The following ZXDC variants were observed in gnomAD, a reference collection of about 807,000 sequenced individuals.
The protein encoded by ZXDC is ZXD family zinc finger C.
In ZXDC, 58 loss-of-function variants were observed where a neutral mutation model predicts 63.6. The ratio of observed to expected loss-of-function variants is 0.91; its 90% confidence interval spans 0.74 to 1.13. ZXDC has a LOEUF of 1.13. Among genes scored for constraint, ZXDC ranks in the 50% most tolerant of loss-of-function variants. The pLI, the probability that ZXDC is intolerant of heterozygous loss-of-function variation, is 0.00. For synonymous variants in ZXDC, 561 were observed against 496.1 expected (o/e 1.13, Z -1.74); for missense variants, 1,133 against 1,148.9 (o/e 0.99, Z 0.20).
intron 7 of ZXDC, among the ~76,000 whole-genome samples, chr3:126,456,980 T>C (rs1420848879): frequency 6.6e-6 from 1 of 152,088 alleles, no homozygotes; most frequent in Admixed American, 6.5e-5. Context: ...CCGGGTCTCA[T>C]CTCCAGAAGA....
At position 126,439,690 on chromosome 3, in the gene ZXDC, C is replaced by T. The variant is rs536871195; in HGVS notation, c.2432G>A (p.Arg811His). ...GAAGGGGAGGAAGGTGGCTGGGCCG[C>T]GGGCCGAGGGCAGGACACCTTCGCC... ...PSGEGVLPSARGPATFLPFLT... is the reference protein window; with the variant it reads ...PSGEGVLPSAHGPATFLPFLT... The change falls in exon 9 of 10, where the codon CGC becomes CAC. Residue 811 changes from arginine (R) to histidine (H), a missense_variant. Transcript: ENST00000389709. 42 of 1,552,764 alleles carry T rather than the reference C, an allele frequency of 2.7e-5. 1 individual carries two copies. The South Asian group carries it at 3.3e-4, about 12-fold the overall frequency.
chr3:126,459,620 T>C, intron 7 of ZXDC, 33 bp downstream of exon 7: 1 of 1,613,904 alleles, frequency 6.2e-7, no homozygotes, highest in Non-Finnish European at 8.5e-7. Context: ...CCTCAGGCCC[T>C]TGCTCGTCCG....
chr3:126,465,221 C>A (rs532392835), intron 5 of ZXDC, among the ~76,000 whole-genome samples: 1 of 152,240 alleles, frequency 6.6e-6, no homozygotes, highest in African/African-American at 2.4e-5. Context: ...CGGTGAGGAG[C>A]GACAACCGCA....
intron 7 of ZXDC, among the ~76,000 whole-genome samples, chr3:126,449,373 T>C (rs1934007172): frequency 1.3e-5 from 2 of 152,254 alleles, no homozygotes; most frequent in South Asian, 4.1e-4. Flanking sequence ...TCTGAATCTT[T>C]TAGTCAGCCC....
At position 126,454,514 on chromosome 3, in the gene ZXDC, C is replaced by T. The variant is rs1165422539; in HGVS notation, c.2212+5139G>A. ...TTATTTTACCCTGTCTTAATCTTAA[C>T]CTTCCCAAATATTTCCATACAGGGT... is the stretch of plus-strand genomic sequence containing the variant. On this transcript the variant is annotated intron_variant, in intron 7 of 9. Transcript: ENST00000389709. The T allele has an allele frequency of 6.1e-6, 6 of 985,282 alleles. No homozygotes were observed. In the South Asian group the frequency reaches 2.8e-4, roughly 46 times the overall value. 61.0% of individuals were successfully genotyped at this position (985,282 alleles called of 1,614,324 possible). A position where few individuals can be genotyped will look rare whatever the true frequency, so the allele number is the denominator to read the frequency against.
intron 7 of ZXDC, chr3:126,459,381 G>A (rs938886517): frequency 1.0e-6 from 1 of 985,394 alleles, no homozygotes; most frequent in Non-Finnish European, 1.2e-6. Context: ...ATTTACCTTA[G>A]TAGCCTTCCA....
Position 126,438,476 on chromosome 3 carries a change from A to G in ZXDC, c.2491-15T>C. ...GGGAGCACCTCCTGCAAAACCAAGC[A>G]TTGTCATGAAGAGGGAGGAGGGAGG... is the stretch of plus-strand genomic sequence containing the variant. On this transcript the variant is annotated splice_polypyrimidine_tract_variant and intron_variant, in intron 9 of 9. Coordinates refer to ENST00000389709, the MANE Select transcript of ZXDC (RefSeq NM_025112.5). 6.2e-7 allele frequency: 1 copy of G among 1,611,878 alleles called. No individual in the cohort carries two copies. The highest frequency in any genetic ancestry group is 8.5e-7 in the Non-Finnish European group (1 of 1,178,686).
At chr3:126,472,931 T>G (rs2107660693) in intron 1 of ZXDC, among the ~76,000 whole-genome samples, 1 of 152,282 alleles carries the variant, frequency 6.6e-6, no homozygotes, top group African/African-American at 2.4e-5. Context: ...ATACTTCTCC[T>G]CCGACAGAAA....
Position 126,460,892 on chromosome 3 carries a change from C to CA in ZXDC, c.2127+642dup, listed in dbSNP as rs764976613. 413 of 984,862 alleles carry CA rather than the reference C, an allele frequency of 4.2e-4. 1 individual carries two copies. The highest frequency in any genetic ancestry group is 5.2e-4 in the Middle Eastern group (1 of 1,914). 61.0% of individuals were successfully genotyped at this position (984,862 alleles called of 1,614,324 possible). ...TCACCATCAAATTTAGCCTGTGCCACAAAAAAAATCCCTATCTGATCATTC... is the reference window on the plus strand; with the variant it reads ...TCACCATCAAATTTAGCCTGTGCCACAAAAAAAAATCCCTATCTGATCATTC... On this transcript the variant is annotated intron_variant, in intron 6 of 9. Coordinates refer to ENST00000389709, the MANE Select transcript of ZXDC (RefSeq NM_025112.5).
chr3:126,459,454 T>C (rs1380527059), intron 7 of ZXDC, 199 bp downstream of exon 7: 3 of 985,372 alleles, frequency 3.0e-6, no homozygotes, highest in South Asian at 4.7e-5. Flanking sequence ...AAATAAAATA[T>C]GTTCATACTG....
Position 126,443,856 on chromosome 3 carries a change from A to G in ZXDC, c.2213-1910T>C, listed in dbSNP as rs6798955. Among the ~76,000 whole-genome samples, 556 of 152,350 alleles carry G rather than the reference A, an allele frequency of 3.6e-3. 2 individuals are homozygous for G. Among genetic ancestry groups the G allele is most frequent in the African/African-American group, 0.011 (472 of 41,576 alleles). On this transcript the variant is annotated intron_variant, in intron 7 of 9. Transcript: ENST00000389709. The stretch of plus-strand genomic sequence containing the variant: ...AATGCAAAACAAATCAAAACAAAAT[A>G]TATCAGAAACTTTGATAGATAATTA...
In ZXDC at chr3:126,468,617, A is replaced by ACCTTTCC. The variant is rs541884099; in HGVS notation, c.1270+2271_1270+2277dup. Among the ~76,000 whole-genome samples, 7 of 151,972 alleles carry ACCTTTCC rather than the reference A, an allele frequency of 4.6e-5. No homozygotes were observed. In the South Asian group the frequency reaches 1.2e-3, roughly 27 times the overall value. On this transcript the variant is annotated intron_variant, in intron 4 of 9. Transcript: ENST00000389709. ...GCCCTATCCTCCACGGCCAACTCCCACCTTTCCCCTTTCCCCAGTCACCTC... is the reference window on the plus strand; with the variant it reads ...GCCCTATCCTCCACGGCCAACTCCCACCTTTCCCCTTTCCCCTTTCCCCAGTCACCTC...
intron 4 of ZXDC, among the ~76,000 whole-genome samples, chr3:126,466,614 T>C (rs1934778055): frequency 6.6e-6 from 1 of 152,258 alleles, no homozygotes; most frequent in African/African-American, 2.4e-5. Context: ...TACATGGAGA[T>C]GTTGGGAAGA....
intron 7 of ZXDC, chr3:126,451,766 C>A: frequency 5.1e-6 from 5 of 985,386 alleles, no homozygotes; most frequent in Non-Finnish European, 6.0e-6. Flanking sequence ...ATCTGGAAAG[C>A]TCTCTGTGCG....
intron 6 of ZXDC, chr3:126,461,074 A>C (rs925849570): frequency 1.1e-5 from 11 of 985,178 alleles, no homozygotes; most frequent in African/African-American, 3.5e-5. Context: ...AGGCTCATAA[A>C]CCCCACCCTT....
intron 3 of ZXDC, among the ~76,000 whole-genome samples, chr3:126,471,720 G>GT (rs961180236): frequency 1.7e-3 from 255 of 146,798 alleles, no homozygotes; most frequent in South Asian, 9.1e-3. Flanking sequence ...ACCTGGAATT[G>GT]TTTTTTTTTT....
At chr3:126,471,139 A>T in intron 3 of ZXDC, 114 bp from the exon 4 acceptor site, 3 of 1,391,868 alleles carry the variant, frequency 2.2e-6, no homozygotes, top group Non-Finnish European at 2.9e-6. Flanking sequence ...AATGATCAGT[A>T]CATTTCGGAA....
At chr3:126,449,748 C>T (rs939697248) in intron 7 of ZXDC, among the ~76,000 whole-genome samples, 2 of 152,340 alleles carry the variant, frequency 1.3e-5, no homozygotes, top group South Asian at 2.1e-4. Context: ...AATCACCTGA[C>T]GGCAACATAG....
intron 1 of ZXDC, among the ~76,000 whole-genome samples, chr3:126,472,885 T>C (rs918865309): frequency 1.3e-5 from 2 of 152,192 alleles, no homozygotes; most frequent in Admixed American, 6.5e-5. Flanking sequence ...TCCTAACCCC[T>C]GGCCAAAGCA....
Sources: gnomAD v4.1 joint callset for allele counts (sites outside exome capture counted in the v4.1 genomes callset) on GRCh38, gnomAD v4.1.1 for gene constraint, MANE v1.5 for transcripts, NCBI Gene and HGNC (gene_info 2026-07-23, HGNC 2026-07-21) for gene names.